The following RALGPS1 variants were observed in gnomAD, a reference collection of about 807,000 sequenced individuals.
RALGPS1 encodes the protein ras-specific guanine nucleotide-releasing factor RalGPS1.
A neutral mutation model predicts 78.8 loss-of-function variants in RALGPS1; 19 were observed. That is an observed-to-expected ratio of 0.24 (90% CI 0.17 to 0.35). The LOEUF (loss-of-function observed/expected upper bound fraction) is 0.35. RALGPS1 is among the 10% of genes least tolerant of loss of function. The pLI is 1.00. For missense variants in RALGPS1, 454 were observed against 688.3 expected (o/e 0.66, Z 3.81); for synonymous variants, 228 against 256.3 (o/e 0.89, Z 1.06).
chr9:127,186,965 A>C (rs1246246780), intron 11 of RALGPS1, among the ~76,000 whole-genome samples: 1 of 152,198 alleles, frequency 6.6e-6, no homozygotes, highest in Non-Finnish European at 1.5e-5. Flanking sequence ...AGCTAGAGGC[A>C]GGAAGCACAT....
chr9:127,104,237 A>C (rs555832141), intron 8 of RALGPS1, among the ~76,000 whole-genome samples: 169 of 152,228 alleles, frequency 1.1e-3, no homozygotes, highest in Non-Finnish European at 1.3e-3. Flanking sequence ...AGTTTCTGAC[A>C]AAGCCCGTCT....
Position 127,212,822 on chromosome 9 carries a change from G to T in RALGPS1, c.1446+103G>T. On this transcript the variant is annotated intron_variant, in intron 16 of 18. Transcript: ENST00000259351. The surrounding 1 kb of genome is among the most constrained non-coding windows in gnomAD (Gnocchi z 6.0). ...GGTGGGAAAGGGATCTGTGTGAACT[G>T]CGGAGGATGCAGGTGGGAAGGCGGC... is the stretch of plus-strand genomic sequence containing the variant. 6.5e-7 allele frequency: 1 copy of T among 1,544,392 alleles called. No individual in the cohort carries two copies.
intron 4 of RALGPS1, among the ~76,000 whole-genome samples, chr9:127,026,954 C>T (rs548033305): frequency 1.2e-4 from 19 of 152,274 alleles, no homozygotes; most frequent in Non-Finnish European, 2.1e-4. Flanking sequence ...TAGCAGGCAG[C>T]GGGTGGGGGT....
chr9:126,918,829 C>T (rs1213935405), intron 1 of RALGPS1, among the ~76,000 whole-genome samples: 2 of 152,014 alleles, frequency 1.3e-5, no homozygotes, highest in Non-Finnish European at 2.9e-5. Context: ...TGCCCCACCA[C>T]GCCTGGCTAA....
chr9:127,082,424 C>T (rs1348908142), intron 8 of RALGPS1, among the ~76,000 whole-genome samples: 3 of 135,954 alleles, frequency 2.2e-5, no homozygotes, highest in African/African-American at 7.4e-5. Context: ...ATCTAGGGAC[C>T]TTCTGGTATC....
chr9:127,218,658 C>A lies in RALGPS1; in HGVS notation c.1645-82C>A. On this transcript the variant is annotated intron_variant, in intron 18 of 18. Transcript: ENST00000259351. This position sits in a 1 kb window ranked among gnomAD's most constrained non-coding sequence, Gnocchi z 4.4. ...CATTCCCAGACTCACGGGGAAAGGC[C>A]TGTCCCTTCCCCTAGGGACCACCAC... 6.9e-7 allele frequency: 1 copy of A among 1,442,782 alleles called. No individual in the cohort carries two copies. The highest frequency in any genetic ancestry group is 9.8e-7 in the Non-Finnish European group (1 of 1,023,986). The allele number at this position is 1,442,782 out of a possible 1,614,324, so 89.4% of individuals were successfully genotyped here.
At chr9:127,177,104 G>C (rs2059922917) in intron 11 of RALGPS1, among the ~76,000 whole-genome samples, 1 of 151,324 alleles carries the variant, frequency 6.6e-6, no homozygotes, top group Non-Finnish European at 1.5e-5. Context: ...TTCCTTGTTG[G>C]ATCTTTAGCA....
chr9:127,217,383 C>T (rs2062641300), intron 18 of RALGPS1: 5 of 993,388 alleles, frequency 5.0e-6, no homozygotes, highest in Non-Finnish European at 6.0e-6. Flanking sequence ...AATCACAGTA[C>T]ATCCGTGTGA....
intron 8 of RALGPS1, among the ~76,000 whole-genome samples, chr9:127,138,605 G>A (rs979886808): frequency 2.0e-5 from 3 of 152,162 alleles, no homozygotes; most frequent in Non-Finnish European, 2.9e-5. Context: ...AAAGGCTCTC[G>A]GTGCCAGTCA....
chr9:127,195,879 C>T (rs1236961016), intron 12 of RALGPS1, among the ~76,000 whole-genome samples: 1 of 152,018 alleles, frequency 6.6e-6, no homozygotes, highest in African/African-American at 2.4e-5. Context: ...AAGCTCAGCC[C>T]AGCCTAGGCA....
At chr9:127,006,718 C>G (rs1361446958) in intron 4 of RALGPS1, among the ~76,000 whole-genome samples, 1 of 151,904 alleles carries the variant, frequency 6.6e-6, no homozygotes, top group Non-Finnish European at 1.5e-5. Context: ...ATAAAACTGC[C>G]CAAGGTAATA....
At chr9:127,161,438 T>A (rs2059011411) in intron 8 of RALGPS1, among the ~76,000 whole-genome samples, 1 of 152,084 alleles carries the variant, frequency 6.6e-6, no homozygotes, top group Non-Finnish European at 1.5e-5. Flanking sequence ...AGCTGGTGAG[T>A]GGGAGAGCCT....
At chr9:126,958,142 A>AAAAAATATATATATATATATATAT (rs113413659) in intron 1 of RALGPS1, among the ~76,000 whole-genome samples, 1 of 77,076 alleles carries the variant, frequency 1.3e-5, no homozygotes, top group East Asian at 4.0e-4. Context: ...AAAAAAAAAA[A>AAAAAATATATATATATATATATAT]ATATATATAT....
At chr9:127,106,519 C>T (rs1024891505) in intron 8 of RALGPS1, among the ~76,000 whole-genome samples, 2 of 152,150 alleles carry the variant, frequency 1.3e-5, no homozygotes, top group South Asian at 2.1e-4. Context: ...TTAATCTATC[C>T]TCAATTAACA....
Position 126,987,401 on chromosome 9 carries a change from A to G in RALGPS1, c.216+9656A>G, listed in dbSNP as rs148408864. Reference sequence around the variant, plus strand: ...AGAATGAATAACCCTTTGGAAAGACAGGTGATGTGCTCAGCAAAATTTAAT... The same window carrying G: ...AGAATGAATAACCCTTTGGAAAGACGGGTGATGTGCTCAGCAAAATTTAAT... On this transcript the variant is annotated intron_variant, in intron 4 of 18. Coordinates refer to ENST00000259351, the MANE Select transcript of RALGPS1 (RefSeq NM_014636.3). Among the ~76,000 whole-genome samples the G allele has an allele frequency of 7.4e-3, 1,132 of 152,312 alleles. 13 individuals carry two copies. The highest frequency in any genetic ancestry group is 0.024 in the African/African-American group (1,015 of 41,566).
intron 4 of RALGPS1, among the ~76,000 whole-genome samples, chr9:126,982,201 G>A (rs764856106): frequency 2.6e-5 from 4 of 152,144 alleles, no homozygotes; most frequent in African/African-American, 7.2e-5. Flanking sequence ...CTTCACCAAG[G>A]GGGGCACTAT....
intron 1 of RALGPS1, among the ~76,000 whole-genome samples, chr9:126,948,407 C>G (rs533494473): frequency 6.6e-6 from 1 of 152,064 alleles, no homozygotes; most frequent in Non-Finnish European, 1.5e-5. Context: ...GTCCCAGCTA[C>G]TTGGGAGGCG....
intron 4 of RALGPS1, 94 bp downstream of exon 4, chr9:126,977,839 G>C (rs532566028): frequency 1.2e-6 from 1 of 865,008 alleles, no homozygotes; most frequent in Admixed American, 2.5e-5. Context: ...TTTCTCTCTT[G>C]CAGGCTCTAT....
At chr9:127,069,114 T>G in intron 7 of RALGPS1, 116 bp from the exon 8 acceptor site, 3 of 1,030,358 alleles carry the variant, frequency 2.9e-6, no homozygotes, top group Non-Finnish European at 4.2e-6. Flanking sequence ...CTGTCCAGGA[T>G]TCGGCACACC....
Sources: allele counts gnomAD v4.1 joint callset (sites outside exome capture counted in the v4.1 genomes callset), GRCh38; gene constraint gnomAD v4.1.1; non-coding constraint Gnocchi (gnomAD v3.1); transcripts MANE v1.5; gene names NCBI Gene and HGNC (gene_info 2026-07-23, HGNC 2026-07-21).